The following KCNQ5 variants were observed in gnomAD, a reference collection of about 807,000 sequenced individuals.
KCNQ5 encodes the protein potassium voltage-gated channel subfamily KQT member 5.
A neutral mutation model predicts 98.2 loss-of-function variants in KCNQ5; 30 were observed. The observed-to-expected ratio is 0.31, with a 90% CI of 0.23 to 0.41. The LOEUF (loss-of-function observed/expected upper bound fraction) is 0.41, where lower values mean the gene tolerates loss of function less well. KCNQ5 is among the 10% of genes least tolerant of loss of function. The pLI, the probability that KCNQ5 is intolerant of heterozygous loss-of-function variation, is 1.00. For missense variants in KCNQ5, 835 were observed against 1,182.5 expected (o/e 0.71, Z 4.31); for synonymous variants, 458 against 449.4 (o/e 1.02, Z -0.24).
At chr6:72,725,477 A>G (rs1333611027) in intron 1 of KCNQ5, among the ~76,000 whole-genome samples, 1 of 152,196 alleles carries the variant, frequency 6.6e-6, no homozygotes, top group Admixed American at 6.5e-5. Context: ...GGTTGAACTC[A>G]CAGAAGTAGA....
rs1318959084 is a variant in KCNQ5, at chr6:72,659,721, T to TA, written c.398+37136dup. On this transcript the variant is annotated intron_variant, in intron 1 of 13. Transcript: ENST00000370398. ...TCTTGAGGGCTTTGCCCTCATGACT[T>TA]AATTACCTCCAAAAGGCCTTGCCAC... Among the ~76,000 whole-genome samples, 4 of 152,316 alleles carry TA rather than the reference T, an allele frequency of 2.6e-5. No homozygotes were observed. In the East Asian group the frequency reaches 7.7e-4, roughly 29 times the overall value.
At chr6:72,770,814 A>C (rs2154477418) in intron 1 of KCNQ5, among the ~76,000 whole-genome samples, 1 of 152,302 alleles carries the variant, frequency 6.6e-6, no homozygotes, top group East Asian at 1.9e-4. Context: ...ATACAATCAT[A>C]AATTAGTAAT....
At chr6:72,806,890 G>A (rs991862804) in intron 1 of KCNQ5, 4 of 423,286 alleles carry the variant, frequency 9.4e-6, no homozygotes, top group Middle Eastern at 3.4e-4. Context: ...GAATAAGATC[G>A]ACAAACAGCT....
rs1774933027 is a variant in KCNQ5 at position 73,104,721 on chromosome 6, C to T, written c.919-536C>T. On this transcript the variant is annotated intron_variant, in intron 5 of 13. Coordinates refer to ENST00000370398, the MANE Select transcript of KCNQ5 (RefSeq NM_019842.4). ...TCCCATAGCAGGTTATTTGTACCTC[C>T]ATTATAATACCTCTCTCATCCTGTT... is the stretch of plus-strand genomic sequence containing the variant. Among the ~76,000 whole-genome samples the T allele has an allele frequency of 4.6e-5, 7 of 152,272 alleles. 1 individual carries two copies. In the South Asian group the frequency reaches 1.5e-3, roughly 32 times the overall value.
chr6:72,938,264 G>A (rs1375956812), intron 1 of KCNQ5, among the ~76,000 whole-genome samples: 2 of 152,184 alleles, frequency 1.3e-5, no homozygotes, highest in Admixed American at 6.5e-5. Context: ...AGGTAGGAAT[G>A]GGAGTGGAGG....
intron 1 of KCNQ5, among the ~76,000 whole-genome samples, chr6:72,942,199 A>G (rs1322840574): frequency 6.6e-6 from 1 of 152,250 alleles, no homozygotes; most frequent in East Asian, 1.9e-4. Flanking sequence ...TGCCTTATAT[A>G]TAACCAAACA....
chr6:72,933,400 T>C (rs1264027469), intron 1 of KCNQ5, among the ~76,000 whole-genome samples: 1 of 152,186 alleles, frequency 6.6e-6, no homozygotes, highest in African/African-American at 2.4e-5. Context: ...TCCATAATTC[T>C]TACAGGATGA....
chr6:72,936,541 T>G (rs1383850948), intron 1 of KCNQ5, among the ~76,000 whole-genome samples: 7 of 152,196 alleles, frequency 4.6e-5, no homozygotes, highest in Non-Finnish European at 4.4e-5. Context: ...TGAGGGGTTT[T>G]CCTAAAATGA....
chr6:72,811,442 A>G (rs1004340598), intron 1 of KCNQ5, among the ~76,000 whole-genome samples: 2 of 152,076 alleles, frequency 1.3e-5, no homozygotes, highest in Non-Finnish European at 2.9e-5. Context: ...AAAGAATCAT[A>G]ATTTATTATA....
At chr6:72,825,132 A>G (rs893608675) in intron 1 of KCNQ5, among the ~76,000 whole-genome samples, 2 of 149,122 alleles carry the variant, frequency 1.3e-5, no homozygotes, top group African/African-American at 5.2e-5. Context: ...AGAAAAAAAC[A>G]AAACAAAACA....
chr6:72,655,341 G>T (rs1766134710), intron 1 of KCNQ5, among the ~76,000 whole-genome samples: 2 of 151,966 alleles, frequency 1.3e-5, no homozygotes, highest in African/African-American at 4.8e-5. Flanking sequence ...AGGTGCTACA[G>T]ACCACAAGCT....
rs192679246 is a variant in KCNQ5, at chr6:72,831,122, C to T, written c.399-172786C>T. ...GTGGAGAAATAGGAACATTTTTACA[C>T]GGTTGGTGAGACTGTAAACTAGTTC... On this transcript the variant is annotated intron_variant, in intron 1 of 13. Coordinates refer to ENST00000370398, the MANE Select transcript of KCNQ5 (RefSeq NM_019842.4). 3.0e-3 allele frequency among the ~76,000 whole-genome samples: 458 copies of T among 152,212 alleles called. 1 individual carries two copies. Among genetic ancestry groups the T allele is most frequent in the Non-Finnish European group, 4.0e-3 (272 of 67,996 alleles).
At chr6:73,055,275 C>A in intron 3 of KCNQ5, 1 of 1,359,840 alleles carries the variant, frequency 7.4e-7, no homozygotes, top group South Asian at 1.2e-5. Flanking sequence ...CAGAAGAGAG[C>A]GATCCCGACC....
chr6:72,747,690 TCA>T (rs1771472883), intron 1 of KCNQ5, among the ~76,000 whole-genome samples: 1 of 152,182 alleles, frequency 6.6e-6, no homozygotes, highest in South Asian at 2.1e-4. Flanking sequence ...TCAATGATAT[TCA>T]GTCTAGTTAG....
At chr6:73,136,509 A>C (rs1199245296) in intron 10 of KCNQ5, 2 of 152,226 alleles carry the variant, frequency 1.3e-5, no homozygotes, top group African/African-American at 4.8e-5. Flanking sequence ...ATACGAGTAC[A>C]GTTTTGTTTG....
At chr6:72,753,619 G>A (rs1771801322) in intron 1 of KCNQ5, among the ~76,000 whole-genome samples, 1 of 151,990 alleles carries the variant, frequency 6.6e-6, no homozygotes, top group South Asian at 2.1e-4. Flanking sequence ...ATAAATTTTA[G>A]CCATTCTACT....
rs959980080 is a variant in KCNQ5, at chr6:72,719,921, G to A, written c.398+97334G>A. 2.6e-5 allele frequency among the ~76,000 whole-genome samples: 4 copies of A among 152,140 alleles called. No homozygotes were observed. The South Asian group carries it at 6.2e-4, about 24-fold the overall frequency. ...TTTATCACCAGTGTCTCAGGTCATC[G>A]AATAATTTGGCAAAATCTCATATTT... On this transcript the variant is annotated intron_variant, in intron 1 of 13. Transcript: ENST00000370398.
At chr6:73,170,468 A>G (rs1271777684) in intron 11 of KCNQ5, among the ~76,000 whole-genome samples, 3 of 149,732 alleles carry the variant, frequency 2.0e-5, no homozygotes, top group African/African-American at 4.9e-5. Context: ...ACACGCAATC[A>G]AGATCTGGAC....
chr6:72,897,747 A>C (rs1442570060), intron 1 of KCNQ5, among the ~76,000 whole-genome samples: 1 of 152,210 alleles, frequency 6.6e-6, no homozygotes, highest in Non-Finnish European at 1.5e-5. Flanking sequence ...GACAGGCCCT[A>C]GAAGTAAGGA....
Sources: allele counts gnomAD v4.1 joint callset (sites outside exome capture counted in the v4.1 genomes callset), GRCh38; gene constraint gnomAD v4.1.1; transcripts MANE v1.5; gene names NCBI Gene and HGNC (gene_info 2026-07-23, HGNC 2026-07-21).